KIFAP3: variants seen among roughly 807,000 people sequenced by gnomAD.
The protein encoded by KIFAP3 is kinesin-associated protein 3.
In KIFAP3, 68 loss-of-function variants were observed where a neutral mutation model predicts 106.5. That is an observed-to-expected ratio of 0.64 (90% CI 0.53 to 0.78). The LOEUF is 0.78. KIFAP3 is among the 30% of genes least tolerant of loss of function. The probability of loss-of-function intolerance (pLI) is 0.00; values close to 1 mark genes in which losing one functional copy is unlikely to be tolerated. For synonymous variants in KIFAP3, 320 were observed against 311.5 expected (o/e 1.03, Z -0.29); for missense variants, 780 against 941.8 (o/e 0.83, Z 2.25).
chr1:170,024,331 G>A (rs1318217987), intron 9 of KIFAP3, 87 bp downstream of exon 9: 5 of 738,704 alleles, frequency 6.8e-6, no homozygotes, highest in Non-Finnish European at 1.1e-5. Flanking sequence ...ATCTCGGTAG[G>A]GGAATAAAGT....
intron 17 of KIFAP3, among the ~76,000 whole-genome samples, chr1:169,967,687 T>C (rs938857101): frequency 5.3e-5 from 8 of 151,944 alleles, no homozygotes; most frequent in East Asian, 1.9e-4. Context: ...AAACCTATGA[T>C]TTATACCATG....
In KIFAP3 at chr1:170,045,814, T is replaced by C. The variant is rs115463747; in HGVS notation, c.319+898A>G. Among the ~76,000 whole-genome samples, 869 of 152,298 alleles carry C rather than the reference T, an allele frequency of 5.7e-3. 15 individuals are homozygous for C. The highest frequency in any genetic ancestry group is 0.02 in the African/African-American group (833 of 41,574). On this transcript the variant is annotated intron_variant, in intron 3 of 19. Transcript: ENST00000361580. Reference sequence around the variant, plus strand: ...TAACTAAGCATTAATAGGCTATACTTTGGCCCATTTCCTTGTTGCTAAAGT... The same window carrying C: ...TAACTAAGCATTAATAGGCTATACTCTGGCCCATTTCCTTGTTGCTAAAGT...
intron 9 of KIFAP3, among the ~76,000 whole-genome samples, chr1:170,022,568 T>C (rs1668900280): frequency 6.6e-6 from 1 of 152,152 alleles, no homozygotes; most frequent in East Asian, 1.9e-4. Context: ...ATCTGTGAAA[T>C]TGGGAGGCTA....
intron 1 of KIFAP3, among the ~76,000 whole-genome samples, chr1:170,070,015 A>G (rs565347520): frequency 6.6e-6 from 1 of 152,250 alleles, no homozygotes; most frequent in African/African-American, 2.4e-5. Flanking sequence ...CTGTTTTTCT[A>G]CATATTGGAG....
intron 8 of KIFAP3, among the ~76,000 whole-genome samples, chr1:170,028,216 A>AAT (rs1163696219): frequency 2.0e-5 from 3 of 152,180 alleles, no homozygotes; most frequent in African/African-American, 7.2e-5. Flanking sequence ...ACAAAGGAAT[A>AAT]ATATCAATGG....
chr1:169,949,221 T>C (rs1404961009), intron 19 of KIFAP3, among the ~76,000 whole-genome samples: 1 of 151,786 alleles, frequency 6.6e-6, no homozygotes, highest in Non-Finnish European at 1.5e-5. Flanking sequence ...AAAGTTAATA[T>C]TAAAGTACTC....
chr1:169,977,222 T>C (rs908285139), intron 16 of KIFAP3, among the ~76,000 whole-genome samples: 1 of 152,148 alleles, frequency 6.6e-6, no homozygotes, highest in African/African-American at 2.4e-5. Flanking sequence ...TTAGCAGATA[T>C]CAAAATTTTC....
At chr1:169,934,168 T>C (rs910114572) in intron 19 of KIFAP3, among the ~76,000 whole-genome samples, 3 of 152,304 alleles carry the variant, frequency 2.0e-5, no homozygotes, top group African/African-American at 7.2e-5. Flanking sequence ...GCATGCTTCA[T>C]ACACATGCTT....
chr1:169,935,002 A>T (rs983780160), intron 19 of KIFAP3, among the ~76,000 whole-genome samples: 10 of 152,122 alleles, frequency 6.6e-5, no homozygotes, highest in Admixed American at 2.6e-4. Context: ...AGGCTTTGAA[A>T]ACATTTTTAA....
intron 10 of KIFAP3, among the ~76,000 whole-genome samples, chr1:170,005,085 C>T (rs1667877198): frequency 6.6e-6 from 1 of 151,842 alleles, no homozygotes; most frequent in Admixed American, 6.6e-5. Context: ...GACATTTATG[C>T]AGCCAAAAAA....
At chr1:170,072,170 TAA>T (rs1671737137) in intron 1 of KIFAP3, among the ~76,000 whole-genome samples, 1 of 152,202 alleles carries the variant, frequency 6.6e-6, no homozygotes. Context: ...GCACTCAAAA[TAA>T]AGTCTCAACT....
intron 15 of KIFAP3, among the ~76,000 whole-genome samples, chr1:169,980,910 T>G (rs889009019): frequency 6.6e-6 from 1 of 152,262 alleles, no homozygotes; most frequent in East Asian, 1.9e-4. Flanking sequence ...AAGACCAGCC[T>G]GACCAACATG....
rs929818073 is a variant in KIFAP3, at chr1:170,024,595, A to G, written c.843T>C (p.Val281=). 9.1e-6 allele frequency: 14 copies of G among 1,535,552 alleles called. No homozygotes were observed. Among genetic ancestry groups the G allele is most frequent in the African/African-American group, 2.8e-5 (2 of 71,182 alleles). ...CAAGATTCAGAAGCAAATAAAGAGC[A>G]ACTAGAAAAGTAAAATATATGAGAG... The part of the protein sequence containing the change: ...LVVKQEQLLR[V]ALYLLLNLAE... Residue 281 remains valine, a splice_region_variant and synonymous_variant, in exon 9 of 20, where the codon GTT becomes GTC. Coordinates refer to ENST00000361580, the MANE Select transcript of KIFAP3 (RefSeq NM_014970.4).
At chr1:170,036,348 T>C (rs1311183790) in intron 5 of KIFAP3, among the ~76,000 whole-genome samples, 1 of 152,116 alleles carries the variant, frequency 6.6e-6, no homozygotes, top group Non-Finnish European at 1.5e-5. Context: ...GTATTTATTA[T>C]GGTAATGAAA....
upstream of KIFAP3, among the ~76,000 whole-genome samples, chr1:170,076,783 A>T (rs1671927558): frequency 6.6e-6 from 1 of 152,352 alleles, no homozygotes; most frequent in Non-Finnish European, 1.5e-5. Flanking sequence ...AATAAGCCCT[A>T]TTAATTTACT....
At chr1:169,926,652 T>A (rs914802720) in intron 19 of KIFAP3, among the ~76,000 whole-genome samples, 1 of 141,604 alleles carries the variant, frequency 7.1e-6, no homozygotes, top group Non-Finnish European at 1.5e-5. Context: ...AACATTAAGT[T>A]TTTTCTGTAT....
intron 5 of KIFAP3, among the ~76,000 whole-genome samples, chr1:170,037,608 G>A (rs1027047287): frequency 2.6e-5 from 4 of 151,390 alleles, no homozygotes; most frequent in Non-Finnish European, 4.4e-5. Context: ...GTGGTGGCAC[G>A]TGCCTATAAT....
chr1:169,922,485 A>T lies in KIFAP3; in HGVS notation c.2274-704T>A, dbSNP rs566100861. 2.0e-5 allele frequency among the ~76,000 whole-genome samples: 3 copies of T among 152,364 alleles called. No individual in the cohort carries two copies. The East Asian group carries it at 5.8e-4, about 29-fold the overall frequency. On this transcript the variant is annotated intron_variant, in intron 19 of 19. Transcript: ENST00000361580. ...TAACAGAAACCCAAAGATAACCTTCAGAGTTGTAAAGATAGCTTGAAGTAT... is the reference window on the plus strand; with the variant it reads ...TAACAGAAACCCAAAGATAACCTTCTGAGTTGTAAAGATAGCTTGAAGTAT...
rs763327218 is a variant in KIFAP3, at chr1:169,972,501, ATAAT to A, written c.1983+8_1983+11del. On this transcript the variant is annotated splice_region_variant and intron_variant, in intron 17 of 19. Transcript: ENST00000361580. ...GTCAATTATACTTTGTGTAGAAAAA[ATAAT>A]TACTTACCGCTATAATATCTAATGT... 52 of 1,253,102 alleles carry A rather than the reference ATAAT, an allele frequency of 4.1e-5. No individual in the cohort carries two copies. The Middle Eastern group carries it at 5.6e-4, about 13-fold the overall frequency. 77.6% of individuals were successfully genotyped at this position (1,253,102 alleles called of 1,614,324 possible). A position where few individuals can be genotyped will look rare whatever the true frequency, so the allele number is the denominator to read the frequency against.
Sources: allele counts gnomAD v4.1 joint callset (sites outside exome capture counted in the v4.1 genomes callset), GRCh38; gene constraint gnomAD v4.1.1; transcripts MANE v1.5; gene names NCBI Gene and HGNC (gene_info 2026-07-23, HGNC 2026-07-21).